The following MTMR6 variants were observed in gnomAD, a reference collection of about 807,000 sequenced individuals.
The protein encoded by MTMR6 is myotubularin related protein 6, also known as phosphatidylinositol-3,5-bisphosphate 3-phosphatase MTMR6.
Under a neutral mutation model 80.1 loss-of-function variants are expected in MTMR6, and 47 were observed. That is an observed-to-expected ratio of 0.59 (90% confidence interval 0.46 to 0.75). The LOEUF (loss-of-function observed/expected upper bound fraction) is 0.75, where lower values mean the gene tolerates loss of function less well. MTMR6 is among the 30% of genes least tolerant of loss of function. The pLI is 0.00. For synonymous variants in MTMR6, 254 were observed against 253.0 expected (o/e 1.00, Z -0.04); for missense variants, 629 against 730.9 (o/e 0.86, Z 1.61).
At chr13:25,273,525 AT>A (rs61701580) in intron 2 of MTMR6, among the ~76,000 whole-genome samples, 10,148 of 137,466 alleles carry the variant, frequency 0.074, 233 homozygotes, top group East Asian at 0.11. Context: ...GAACAATAGG[AT>A]TTTTTTTTTT....
intron 6 of MTMR6, among the ~76,000 whole-genome samples, chr13:25,259,862 A>T (rs924748063): frequency 1.3e-5 from 2 of 151,968 alleles, no homozygotes; most frequent in South Asian, 4.1e-4. Flanking sequence ...TCAAGTTATC[A>T]ATTTCTATTT....
Position 25,254,441 on chromosome 13 carries a change from G to A in MTMR6, c.1096-7C>T, listed in dbSNP as rs1957151111. On this transcript the variant is annotated splice_region_variant and splice_polypyrimidine_tract_variant and intron_variant, in intron 9 of 13. Transcript: ENST00000381801. ...AATCCTTTTCTATTAAAACCTTAAT[G>A]AGAAAAAGTAAAATTCACTTTCTGA... 6.6e-7 allele frequency: 1 copy of A among 1,520,862 alleles called. No individual in the cohort carries two copies. The highest frequency in any genetic ancestry group is 9.1e-7 in the Non-Finnish European group (1 of 1,101,768). 94.2% of individuals were successfully genotyped at this position (1,520,862 alleles called of 1,614,324 possible). A position where few individuals can be genotyped will look rare whatever the true frequency, so the allele number is the denominator to read the frequency against.
Position 25,265,859 on chromosome 13 carries a change from C to G in MTMR6, c.551G>C (p.Gly184Ala). Reference sequence around the variant, plus strand: ...ATAGTAGGAAAGAACTGGGAATCTTCCCTTGCTCCGGAACTTGGAACTACC... The same window carrying G: ...ATAGTAGGAAAGAACTGGGAATCTTGCCTTGCTCCGGAACTTGGAACTACC... ...IVGSSKFRSK[G>A]RFPVLSYYHQ... The change falls in exon 5 of 14, where the codon GGA becomes GCA. Residue 184 changes from glycine (G) to alanine (A), a missense_variant. Physicochemically the swap from Gly to Ala is moderately conservative, Grantham distance 60. Coordinates refer to ENST00000381801, the MANE Select transcript of MTMR6 (RefSeq NM_004685.5). 1 of 1,614,050 alleles carries G rather than the reference C, an allele frequency of 6.2e-7. No homozygotes were observed. The highest frequency in any genetic ancestry group is 8.5e-7 in the Non-Finnish European group (1 of 1,179,934).
chr13:25,249,610 T>C (rs1957044365), intron 13 of MTMR6, 118 bp from the exon 14 acceptor site: 5 of 1,046,012 alleles, frequency 4.8e-6, no homozygotes, highest in Non-Finnish European at 6.7e-6. Context: ...CAAAACTAAA[T>C]CTCAAAAAAG....
At chr13:25,277,580 T>C (rs1957751785) in intron 1 of MTMR6, among the ~76,000 whole-genome samples, 1 of 152,254 alleles carries the variant, frequency 6.6e-6, no homozygotes, top group African/African-American at 2.4e-5. Context: ...TATCCCATTA[T>C]ACTTTTCCTC....
At position 25,278,870 on chromosome 13, in the gene MTMR6, G is replaced by A. The variant is rs1039534591; in HGVS notation, c.25-4683C>T. ...ATTGCACTCCAGCTTGAGTGACAGA[G>A]CGAGACTCTGTCATAAAATAAAATA... On this transcript the variant is annotated intron_variant, in intron 1 of 13. Coordinates refer to ENST00000381801, the MANE Select transcript of MTMR6 (RefSeq NM_004685.5). Among the ~76,000 whole-genome samples, 4 of 152,078 alleles carry A rather than the reference G, an allele frequency of 2.6e-5. No individual in the cohort carries two copies. The East Asian group carries it at 7.7e-4, about 29-fold the overall frequency.
rs186689799 is a variant in MTMR6, at chr13:25,257,061, C to T, written c.1095+135G>A. 2.3e-3 allele frequency: 2,226 copies of T among 979,980 alleles called. 14 individuals are homozygous for T. Among genetic ancestry groups the T allele is most frequent in the Middle Eastern group, 0.011 (38 of 3,420 alleles). 60.7% of individuals were successfully genotyped at this position (979,980 alleles called of 1,614,324 possible). ...ATAAAATGTTTAGTTAGCAATATCC[C>T]TGGCCACTCCCACGGATGCCAGTCT... On this transcript the variant is annotated intron_variant, in intron 9 of 13. Transcript: ENST00000381801.
chr13:25,285,832 C>G (rs898566210), intron 1 of MTMR6, among the ~76,000 whole-genome samples: 1 of 152,174 alleles, frequency 6.6e-6, no homozygotes, highest in African/African-American at 2.4e-5. Context: ...CCGTGCCCAG[C>G]CTTTTACCGG....
chr13:25,251,464 T>C lies in MTMR6; in HGVS notation c.1605+185A>G, dbSNP rs1041824868. The stretch of plus-strand genomic sequence containing the variant: ...ATGCTATATACTTCCGGTATTTTAA[T>C]GTATTTTAAAATACAAAGAAAGTGA... On this transcript the variant is annotated intron_variant, in intron 13 of 13. Transcript: ENST00000381801. This position sits in a 1 kb window ranked among gnomAD's most constrained non-coding sequence, Gnocchi z 4.1. Among the ~76,000 whole-genome samples the C allele has an allele frequency of 8.5e-5, 13 of 152,234 alleles. No individual in the cohort carries two copies. The highest frequency in any genetic ancestry group is 2.9e-4 in the African/African-American group (12 of 41,464).
At chr13:25,262,840 C>A (rs1357610066) in intron 5 of MTMR6, among the ~76,000 whole-genome samples, 1 of 152,190 alleles carries the variant, frequency 6.6e-6, no homozygotes, top group Non-Finnish European at 1.5e-5. Flanking sequence ...TTATTAAATT[C>A]TTTTCAGACC....
At chr13:25,269,099 T>C (rs900210645) in intron 2 of MTMR6, among the ~76,000 whole-genome samples, 1 of 152,124 alleles carries the variant, frequency 6.6e-6, no homozygotes, top group Non-Finnish European at 1.5e-5. Flanking sequence ...CTTCTGAGGC[T>C]GAAATTTTGG....
Position 25,247,166 on chromosome 13 carries a change from C to T in MTMR6, c.*2066G>A, listed in dbSNP as rs1237488120. On this transcript the variant is annotated 3_prime_UTR_variant, in exon 14 of 14. Transcript: ENST00000381801. Reference sequence around the variant, plus strand: ...GAAAATAAACTCCTCAAACCTTATGCTGTTATGTTAATGTAATGGGCAAGT... The same window carrying T: ...GAAAATAAACTCCTCAAACCTTATGTTGTTATGTTAATGTAATGGGCAAGT... 6.6e-6 allele frequency: 1 copy of T among 152,026 alleles called. No homozygotes were observed. The highest frequency in any genetic ancestry group is 1.5e-5 in the Non-Finnish European group (1 of 67,944). 9.4% of individuals were successfully genotyped at this position (152,026 alleles called of 1,614,324 possible).
intron 2 of MTMR6, among the ~76,000 whole-genome samples, chr13:25,272,761 G>A (rs1957607333): frequency 6.6e-6 from 1 of 152,136 alleles, no homozygotes; most frequent in African/African-American, 2.4e-5. Context: ...CCATGTTGCT[G>A]TAAAGGCCAT....
At chr13:25,252,747 T>A (rs916241187) in intron 11 of MTMR6, among the ~76,000 whole-genome samples, 1 of 152,152 alleles carries the variant, frequency 6.6e-6, no homozygotes, top group African/African-American at 2.4e-5. Flanking sequence ...AAGAGTTACC[T>A]CTGTGCTCCA....
intron 5 of MTMR6, among the ~76,000 whole-genome samples, chr13:25,264,583 T>C (rs1055168407): frequency 6.6e-6 from 1 of 151,570 alleles, no homozygotes; most frequent in Non-Finnish European, 1.5e-5. Flanking sequence ...GGTAAAACCC[T>C]GTCTCTACTA....
intron 1 of MTMR6, among the ~76,000 whole-genome samples, chr13:25,277,318 T>G (rs954449388): frequency 6.6e-6 from 1 of 152,248 alleles, no homozygotes; most frequent in Non-Finnish European, 1.5e-5. Flanking sequence ...TCCTAAATTA[T>G]AATGAAAGCC....
chr13:25,248,578 A>C lies in MTMR6; in HGVS notation c.*654T>G, dbSNP rs1343113949. The C allele has an allele frequency of 6.6e-6, 1 of 152,350 alleles. No individual in the cohort carries two copies. The highest frequency in any genetic ancestry group is 1.5e-5 in the Non-Finnish European group (1 of 68,002). The allele number at this position is 152,350 out of a possible 1,614,324, so 9.4% of individuals were successfully genotyped here. On this transcript the variant is annotated 3_prime_UTR_variant, in exon 14 of 14. Transcript: ENST00000381801. The stretch of plus-strand genomic sequence containing the variant: ...AAAGTGGGGCAGGCTAAACGTGAAC[A>C]GTGTACTTCTACAAGTGTTTATATA...
At chr13:25,273,653 G>A (rs1230803433) in intron 2 of MTMR6, among the ~76,000 whole-genome samples, 4 of 151,302 alleles carry the variant, frequency 2.6e-5, no homozygotes, top group Non-Finnish European at 4.4e-5. Flanking sequence ...ACCCTCCCAA[G>A]TAGCTGGGAT....
At chr13:25,267,993 C>G in intron 2 of MTMR6, 52 bp from the exon 3 acceptor site, 2 of 1,505,948 alleles carry the variant, frequency 1.3e-6, no homozygotes. Context: ...ACTAAATATT[C>G]TCTTCTAGAA....
Sources: gnomAD v4.1 joint callset for allele counts (sites outside exome capture counted in the v4.1 genomes callset) on GRCh38, gnomAD v4.1.1 for gene constraint, Gnocchi (gnomAD v3.1) non-coding constraint, MANE v1.5 for transcripts, NCBI Gene and HGNC (gene_info 2026-07-23, HGNC 2026-07-21) for gene names.